The following SMIM23 variants were observed in gnomAD, a reference collection of about 807,000 sequenced individuals.
The protein encoded by SMIM23 is CTB-78H18.1.
In SMIM23, 10 loss-of-function variants were observed where a neutral mutation model predicts 12.8. That is an observed-to-expected ratio of 0.78 (90% confidence interval 0.48 to 1.32). The LOEUF (loss-of-function observed/expected upper bound fraction) is 1.32, where lower values mean the gene tolerates loss of function less well. Ranked by LOEUF, SMIM23 falls within the 40% of genes most tolerant of loss-of-function variation. The pLI is 0.00. For missense variants in SMIM23, 184 were observed against 198.2 expected (o/e 0.93, Z 0.43); for synonymous variants, 78 against 80.1 (o/e 0.97, Z 0.14).
At chr5:171,788,998 G>A (rs1008985274) in intron 1 of SMIM23, among the ~76,000 whole-genome samples, 3 of 152,184 alleles carry the variant, frequency 2.0e-5, no homozygotes, top group Admixed American at 6.5e-5. Context: ...GGCCACCATG[G>A]CCAGCTAATT....
At chr5:171,784,453 C>T (rs1171406659), upstream of SMIM23, among the ~76,000 whole-genome samples, 1 of 151,624 alleles carries the variant, frequency 6.6e-6, no homozygotes, top group Non-Finnish European at 1.5e-5. Flanking sequence ...TGCAGTGAGC[C>T]GAGATCGTGC....
upstream of SMIM23, among the ~76,000 whole-genome samples, chr5:171,780,614 T>C (rs1431604290): frequency 1.3e-5 from 2 of 152,196 alleles, no homozygotes; most frequent in Admixed American, 6.5e-5. Flanking sequence ...TGATGTGCCA[T>C]AATTAGCTTA....
At chr5:171,777,577 C>A (rs1033619115), upstream of SMIM23, among the ~76,000 whole-genome samples, 1 of 152,224 alleles carries the variant, frequency 6.6e-6, no homozygotes, top group Non-Finnish European at 1.5e-5. Flanking sequence ...GAGAACAGAA[C>A]CTGGAGGCAG....
chr5:171,787,257 A>G (rs934964811), intron 1 of SMIM23, among the ~76,000 whole-genome samples: 1 of 151,918 alleles, frequency 6.6e-6, no homozygotes, highest in Non-Finnish European at 1.5e-5. Context: ...TGACCTCATG[A>G]TCCACCCGCC....
upstream of SMIM23, among the ~76,000 whole-genome samples, chr5:171,782,035 T>G (rs965929949): frequency 2.0e-5 from 3 of 152,216 alleles, no homozygotes; most frequent in African/African-American, 7.2e-5. Context: ...CAGCCAGCAG[T>G]GGCAACCTGC....
intron 1 of SMIM23, among the ~76,000 whole-genome samples, chr5:171,787,109 T>G (rs1755833794): frequency 7.0e-6 from 1 of 141,854 alleles, no homozygotes; most frequent in Non-Finnish European, 1.5e-5. Context: ...AACCTCCTCC[T>G]CCTGGGTTCA....
chr5:171,777,672 A>G (rs1384895270), upstream of SMIM23, among the ~76,000 whole-genome samples: 1 of 152,238 alleles, frequency 6.6e-6, no homozygotes, highest in Non-Finnish European at 1.5e-5. Context: ...AGAGGGAGAT[A>G]GACCTGCCCT....
the SMIM23 span, among the ~76,000 whole-genome samples, chr5:171,777,164 TAA>T: frequency 2.0e-5 from 3 of 151,828 alleles, no homozygotes; most frequent in South Asian, 2.1e-4. Flanking sequence ...CAGTGAGTAA[TAA>T]GAGTTGTGTC....
At chr5:171,785,001 C>A (rs1298653922), upstream of SMIM23, among the ~76,000 whole-genome samples, 1 of 152,058 alleles carries the variant, frequency 6.6e-6, no homozygotes, top group Non-Finnish European at 1.5e-5. Flanking sequence ...AAAGAGAGAG[C>A]AGATGAGTGA....
At chr5:171,788,996 T>C (rs1755869768) in intron 1 of SMIM23, among the ~76,000 whole-genome samples, 2 of 152,226 alleles carry the variant, frequency 1.3e-5, no homozygotes, top group Non-Finnish European at 2.9e-5. Context: ...CCGGCCACCA[T>C]GGCCAGCTAA....
At chr5:171,775,487 A>G in the SMIM23 span, among the ~76,000 whole-genome samples, 2 of 152,096 alleles carry the variant, frequency 1.3e-5, no homozygotes, top group Non-Finnish European at 2.9e-5. Flanking sequence ...GGTCCTCCCC[A>G]TCGCCACAGG....
At chr5:171,786,302 C>A (rs753126339) in intron 1 of SMIM23, among the ~76,000 whole-genome samples, 1 of 152,154 alleles carries the variant, frequency 6.6e-6, no homozygotes, top group African/African-American at 2.4e-5. Context: ...TGATAATACT[C>A]CTGAATTGGA....
At chr5:171,788,242 C>T (rs1755854928) in intron 1 of SMIM23, among the ~76,000 whole-genome samples, 1 of 151,270 alleles carries the variant, frequency 6.6e-6, no homozygotes, top group Admixed American at 6.6e-5. Flanking sequence ...GTCAAAATTT[C>T]CACATTAGCA....
At chr5:171,789,365 T>A (rs1435351053) in intron 1 of SMIM23, among the ~76,000 whole-genome samples, 1 of 152,232 alleles carries the variant, frequency 6.6e-6, no homozygotes, top group Admixed American at 6.5e-5. Context: ...TCATTGGTGG[T>A]TTCTTATAAA....
chr5:171,786,421 C>T (rs1312183387), intron 1 of SMIM23, among the ~76,000 whole-genome samples: 1 of 152,150 alleles, frequency 6.6e-6, no homozygotes, highest in African/African-American at 2.4e-5. Flanking sequence ...CATCCACACC[C>T]CATCTCTTAG....
chr5:171,779,231 A>G (rs774647957), upstream of SMIM23, among the ~76,000 whole-genome samples: 41 of 152,212 alleles, frequency 2.7e-4, 1 homozygote, highest in Non-Finnish European at 4.1e-4. Flanking sequence ...AAAATAAATC[A>G]GAAGTTCTCA....
At chr5:171,786,205 A>G (rs891915) in intron 1 of SMIM23, among the ~76,000 whole-genome samples, 5,643 of 152,262 alleles carry the variant, frequency 0.037, 138 homozygotes, top group Middle Eastern at 0.071. Flanking sequence ...TTCCAGGAGG[A>G]CTGGGCTTTT....
upstream of SMIM23, among the ~76,000 whole-genome samples, chr5:171,783,861 C>T (rs144101353): frequency 1.4e-4 from 22 of 152,288 alleles, no homozygotes; most frequent in East Asian, 2.9e-3. Flanking sequence ...TCAACTGTAG[C>T]AAAACCAATC....
intron 2 of SMIM23, 80 bp from the exon 3 acceptor site, chr5:171,790,402 A>T: frequency 6.6e-7 from 1 of 1,510,862 alleles, no homozygotes; most frequent in East Asian, 2.5e-5. Flanking sequence ...CTGACCCTTC[A>T]TCACACTGGG....
Sources: gnomAD v4.1 joint callset for allele counts (sites outside exome capture counted in the v4.1 genomes callset) on GRCh38, gnomAD v4.1.1 for gene constraint, MANE v1.5 for transcripts, NCBI Gene and HGNC (gene_info 2026-07-23, HGNC 2026-07-21) for gene names.